Variants in PRPF19 observed in about 807,000 individuals in gnomAD.
PRPF19 encodes the protein pre-mRNA-processing factor 19.
A neutral mutation model predicts 64.2 loss-of-function variants in PRPF19; 2 were observed. The observed-to-expected ratio is 0.03, with a 90% CI of 0.01 to 0.10. The LOEUF (loss-of-function observed/expected upper bound fraction) is 0.10. Among genes scored for constraint, PRPF19 ranks in the 10% least tolerant of loss-of-function variants. PRPF19 has a pLI of 1.00. For missense variants in PRPF19, 314 were observed against 650.0 expected (o/e 0.48, Z 5.62); for synonymous variants, 226 against 251.6 (o/e 0.90, Z 0.96).
intron 3 of PRPF19, 61 bp downstream of exon 3, chr11:60,903,398 C>T: frequency 6.6e-7 from 1 of 1,516,678 alleles, no homozygotes; most frequent in South Asian, 1.2e-5. Flanking sequence ...CCCCCAAGTC[C>T]TAACCCAGCA....
chr11:60,898,936 G>C lies in PRPF19; in HGVS notation c.985-5C>G, dbSNP rs1206000504. 4 of 1,590,254 alleles carry C rather than the reference G, an allele frequency of 2.5e-6. No homozygotes were observed. Among genetic ancestry groups the C allele is most frequent in the South Asian group, 1.1e-5 (1 of 87,346 alleles). Reference sequence around the variant, plus strand: ...GATGTCAGAGAAAGCCCAGTACTGGGGAAAAAAAAAGAGACAATGGAGTCA... The same window carrying C: ...GATGTCAGAGAAAGCCCAGTACTGGCGAAAAAAAAAGAGACAATGGAGTCA... On this transcript the variant is annotated splice_region_variant and splice_polypyrimidine_tract_variant and intron_variant, in intron 11 of 15. Coordinates refer to ENST00000227524, the MANE Select transcript of PRPF19 (RefSeq NM_014502.5). This position sits in a 1 kb window ranked among gnomAD's most constrained non-coding sequence, Gnocchi z 4.6.
intron 15 of PRPF19, among the ~76,000 whole-genome samples, chr11:60,894,816 GC>G (rs1334730459): frequency 6.6e-6 from 1 of 152,208 alleles, no homozygotes; most frequent in Non-Finnish European, 1.5e-5. Context: ...TGATCCATAA[GC>G]CGAAGATTGG....
intron 15 of PRPF19, among the ~76,000 whole-genome samples, chr11:60,893,273 C>T (rs979884828): frequency 2.6e-5 from 4 of 151,578 alleles, no homozygotes; most frequent in African/African-American, 4.9e-5. Context: ...GGGCAGATCA[C>T]GAGGTCAGGA....
rs1565111799 is a variant in PRPF19, at chr11:60,902,616, G to A, written c.429C>T (p.Pro143=). The A allele has an allele frequency of 6.2e-7, 1 of 1,614,138 alleles. No individual in the cohort carries two copies. The highest frequency in any genetic ancestry group is 8.5e-7 in the Non-Finnish European group (1 of 1,179,998). ...TTGGTTGGGAACTTGGCACAGCCTG[G>A]GGCACAATGAGGCCAGCCTGTGGTT... ...TLKPQAGLIV[P]QAVPSSQPSV... Residue 143 remains proline (P), a synonymous_variant, in exon 5 of 16, where the codon CCC becomes CCT. Coordinates refer to ENST00000227524, the MANE Select transcript of PRPF19 (RefSeq NM_014502.5). This position sits in a 1 kb window ranked among gnomAD's most constrained non-coding sequence, Gnocchi z 5.0.
chr11:60,903,987 T>G, intron 1 of PRPF19, 126 bp from the exon 2 acceptor site: 2 of 1,219,724 alleles, frequency 1.6e-6, no homozygotes, highest in East Asian at 5.0e-5. Context: ...AGCAAGACAT[T>G]TGACCCTAAG....
chr11:60,900,469 G>A (rs1386476072), intron 10 of PRPF19, 113 bp downstream of exon 10: 5 of 850,506 alleles, frequency 5.9e-6, no homozygotes, highest in Non-Finnish European at 7.4e-6. Flanking sequence ...TGCCCACTCA[G>A]GAGTCAGAGT....
chr11:60,895,201 A>G (rs1338234061), intron 15 of PRPF19, among the ~76,000 whole-genome samples: 1 of 152,250 alleles, frequency 6.6e-6, no homozygotes, highest in Non-Finnish European at 1.5e-5. Flanking sequence ...CTTTCTTCCA[A>G]TAGAAGGCTA....
rs142314385 is a variant in PRPF19, at chr11:60,898,236, C to G, written c.1176G>C (p.Ser392=). The change falls in exon 14 of 16, where the codon TCG becomes TCC. Residue 392 remains serine (S), a synonymous_variant. Transcript: ENST00000227524. This position sits in a 1 kb window ranked among gnomAD's most constrained non-coding sequence, Gnocchi z 4.6. ...RTNVANFPGH[S]GPITSIAFSE... ...AGAAGGCGATGCTAGTGATGGGGCC[C>G]GAGTGGCCAGGGAAGTTGGCCACAT... The G allele has an allele frequency of 1.2e-6, 2 of 1,613,984 alleles. No individual in the cohort carries two copies. Among genetic ancestry groups the G allele is most frequent in the African/African-American group, 1.3e-5 (1 of 75,004 alleles).
chr11:60,898,844 G>A lies in PRPF19; in HGVS notation c.1054+18C>T, dbSNP rs771814656. Reference sequence around the variant, plus strand: ...TAAACAGCAAACAAAAAAGCTGAGTGCCTATGAGGCAACTTACAGCAGCCG... The same window carrying A: ...TAAACAGCAAACAAAAAAGCTGAGTACCTATGAGGCAACTTACAGCAGCCG... On this transcript the variant is annotated intron_variant, in intron 12 of 15. Coordinates refer to ENST00000227524, the MANE Select transcript of PRPF19 (RefSeq NM_014502.5). This position sits in a 1 kb window ranked among gnomAD's most constrained non-coding sequence, Gnocchi z 4.6. 1.4e-5 allele frequency: 22 copies of A among 1,579,404 alleles called. No homozygotes were observed. The Middle Eastern group carries it at 8.3e-4, about 60-fold the overall frequency.
At chr11:60,899,126 C>T (rs1855953394) in intron 11 of PRPF19, 23 bp downstream of exon 11, 5 of 1,604,300 alleles carry the variant, frequency 3.1e-6, no homozygotes, top group Non-Finnish European at 4.3e-6. Flanking sequence ...CAGGCCTCTC[C>T]AGGGCACTGG....
At position 60,900,879 on chromosome 11, in the gene PRPF19, C is replaced by T. The variant is rs767347492; in HGVS notation, c.693G>A (p.Pro231=). Residue 231 remains proline (P), a synonymous_variant, in exon 9 of 16, where the codon CCG becomes CCA. Transcript: ENST00000227524. Reference sequence around the variant, plus strand: ...CAGTGAGGATCTTGTTGGTGTCGGACGGGCAGAGGTCCAGGGCCAGGATCC... The same window carrying T: ...CAGTGAGGATCTTGTTGGTGTCGGATGGGCAGAGGTCCAGGGCCAGGATCC... ...IPGILALDLC[P]SDTNKILTGG... The T allele has an allele frequency of 1.3e-5, 21 of 1,614,132 alleles. No homozygotes were observed. The South Asian group carries it at 1.3e-4, about 10-fold the overall frequency.
chr11:60,891,169 C>A lies in PRPF19; in HGVS notation c.1512G>T (p.Leu504=). The A allele has an allele frequency of 1.3e-6, 2 of 1,582,088 alleles. No homozygotes were observed. The highest frequency in any genetic ancestry group is 1.7e-6 in the Non-Finnish European group (2 of 1,160,720). The change falls in exon 16 of 16, where the codon CTG becomes CTT. Residue 504 remains leucine, a synonymous_variant. Coordinates refer to ENST00000227524, the MANE Select transcript of PRPF19 (RefSeq NM_014502.5). ...GMDRSLKFYS[L] Reference sequence around the variant, plus strand: ...CTTCCATCAGAAGGGCCAGGGCCTACAGGCTGTAGAACTTGAGGCTTCTGT... The same window carrying A: ...CTTCCATCAGAAGGGCCAGGGCCTAAAGGCTGTAGAACTTGAGGCTTCTGT...
chr11:60,901,406 T>C (rs747964484), intron 7 of PRPF19, 37 bp from the exon 8 acceptor site: 11 of 1,613,896 alleles, frequency 6.8e-6, no homozygotes, highest in Non-Finnish European at 9.3e-6. Flanking sequence ...AGAGCAGCAA[T>C]GAATCCAAGA....
intron 15 of PRPF19, among the ~76,000 whole-genome samples, chr11:60,892,670 G>A (rs577360743): frequency 1.2e-4 from 19 of 152,156 alleles, no homozygotes; most frequent in African/African-American, 2.2e-4. Context: ...GGTTTGGCAC[G>A]CTGAGGGCTT....
intron 11 of PRPF19, 95 bp downstream of exon 11, chr11:60,899,054 G>T: frequency 6.6e-7 from 1 of 1,516,928 alleles, no homozygotes; most frequent in East Asian, 2.4e-5. Flanking sequence ...TTGAGGTTCT[G>T]GGGAACCAGC....
At chr11:60,906,257 C>T (rs1856044832) in intron 1 of PRPF19, 107 bp downstream of exon 1, 2 of 1,452,810 alleles carry the variant, frequency 1.4e-6, no homozygotes, top group South Asian at 1.4e-5. Flanking sequence ...CTCCGGAGCG[C>T]CCCATTCCCG....
Position 60,898,949 on chromosome 11 carries a change from G to A in PRPF19, c.985-18C>T. On this transcript the variant is annotated intron_variant, in intron 11 of 15. Coordinates refer to ENST00000227524, the MANE Select transcript of PRPF19 (RefSeq NM_014502.5). The surrounding 1 kb of genome is among the most constrained non-coding windows in gnomAD (Gnocchi z 4.6). ...GCCCAGTACTGGGGAAAAAAAAAGA[G>A]ACAATGGAGTCAGTGAGAAAGTGGG... 1 of 1,578,698 alleles carries A rather than the reference G, an allele frequency of 6.3e-7. No homozygotes were observed. The highest frequency in any genetic ancestry group is 8.6e-7 in the Non-Finnish European group (1 of 1,159,904).
chr11:60,895,934 G>GC (rs796622511), intron 15 of PRPF19, among the ~76,000 whole-genome samples: 6 of 151,962 alleles, frequency 3.9e-5, no homozygotes, highest in South Asian at 2.1e-4. Flanking sequence ...ATTTCATGGT[G>GC]CCCCCCCGCC....
intron 15 of PRPF19, among the ~76,000 whole-genome samples, chr11:60,894,626 C>A (rs1357707794): frequency 6.6e-6 from 1 of 152,228 alleles, no homozygotes; most frequent in Non-Finnish European, 1.5e-5. Flanking sequence ...TCTTTATGTT[C>A]ATAGTTTAAC....
Sources: allele counts gnomAD v4.1 joint callset (sites outside exome capture counted in the v4.1 genomes callset), GRCh38; gene constraint gnomAD v4.1.1; non-coding constraint Gnocchi (gnomAD v3.1); transcripts MANE v1.5; gene names NCBI Gene and HGNC (gene_info 2026-07-23, HGNC 2026-07-21).